Variants in UNC5C observed in about 807,000 individuals in gnomAD.
UNC5C encodes netrin receptor UNC5C.
A neutral mutation model predicts 99.8 loss-of-function variants in UNC5C; 47 were observed. That is an observed-to-expected ratio of 0.47 (90% CI 0.37 to 0.60). UNC5C has a LOEUF of 0.60. Among genes scored for constraint, UNC5C ranks in the 20% least tolerant of loss-of-function variants. UNC5C has a pLI of 0.00. For synonymous variants in UNC5C, 487 were observed against 452.2 expected (o/e 1.08, Z -0.98); for missense variants, 1,062 against 1,165.9 (o/e 0.91, Z 1.30).
intron 4 of UNC5C, among the ~76,000 whole-genome samples, chr4:95,267,796 C>CA (rs79973212): frequency 0.083 from 12,217 of 147,858 alleles, 750 homozygotes; most frequent in East Asian, 0.23. Flanking sequence ...AATAACAATA[C>CA]AAAAAAAAAA....
At chr4:95,443,241 C>A (rs955721188) in intron 1 of UNC5C, among the ~76,000 whole-genome samples, 2 of 152,130 alleles carry the variant, frequency 1.3e-5, no homozygotes, top group Non-Finnish European at 2.9e-5. Flanking sequence ...AAGAATACTA[C>A]GTGATCAGAT....
intron 1 of UNC5C, among the ~76,000 whole-genome samples, chr4:95,522,852 T>C (rs1423237720): frequency 6.6e-6 from 1 of 152,188 alleles, no homozygotes; most frequent in Non-Finnish European, 1.5e-5. Flanking sequence ...GTAATTGTTC[T>C]ATTCAAACAC....
intron 4 of UNC5C, among the ~76,000 whole-genome samples, chr4:95,277,092 G>A (rs774984815): frequency 1.3e-5 from 2 of 152,000 alleles, no homozygotes; most frequent in African/African-American, 2.4e-5. Flanking sequence ...ACTATGAGAA[G>A]TAAAATAGTA....
intron 4 of UNC5C, among the ~76,000 whole-genome samples, chr4:95,260,743 C>A (rs562098919): frequency 5.3e-5 from 8 of 152,186 alleles, no homozygotes; most frequent in African/African-American, 1.9e-4. Context: ...CTTTAGGGAG[C>A]AGAGAGAGTT....
At position 95,548,718 on chromosome 4, in the gene UNC5C, T is replaced by C. The variant is rs1161386491; in HGVS notation, c.124+16A>G. ...AGCTAAGGGAGGTGGCCGCGGAGCT[T>C]GGCGGACCCCCTTACCTTGGGCGGC... On this transcript the variant is annotated intron_variant, in intron 1 of 15. Transcript: ENST00000453304. The C allele has an allele frequency of 1.9e-6, 3 of 1,610,826 alleles. No individual in the cohort carries two copies. The highest frequency in any genetic ancestry group is 1.1e-5 in the South Asian group (1 of 90,872).
intron 1 of UNC5C, among the ~76,000 whole-genome samples, chr4:95,341,620 C>A (rs934654978): frequency 1.3e-5 from 2 of 151,918 alleles, no homozygotes; most frequent in African/African-American, 4.8e-5. Context: ...CAAATGGAAG[C>A]CTTCACTGAT....
At chr4:95,208,374 A>G (rs968334717) in intron 10 of UNC5C, among the ~76,000 whole-genome samples, 7 of 152,220 alleles carry the variant, frequency 4.6e-5, no homozygotes, top group Non-Finnish European at 1.5e-5. Context: ...TATTCCCAAC[A>G]TGAAAGGCTC....
intron 1 of UNC5C, among the ~76,000 whole-genome samples, chr4:95,356,214 A>AAAAAAAAAAAAC (rs1744191187): frequency 3.7e-5 from 2 of 54,280 alleles, no homozygotes; most frequent in Non-Finnish European, 7.6e-5. Flanking sequence ...AAAAAAAAAC[A>AAAAAAAAAAAAC]AAACAAAAAA....
chr4:95,217,932 GA>G (rs1424871904), intron 9 of UNC5C, among the ~76,000 whole-genome samples: 1 of 152,006 alleles, frequency 6.6e-6, no homozygotes, highest in East Asian at 1.9e-4. Context: ...AAACTGTGAA[GA>G]AAAAAATATT....
At chr4:95,385,433 T>G (rs1745186849) in intron 1 of UNC5C, among the ~76,000 whole-genome samples, 1 of 152,224 alleles carries the variant, frequency 6.6e-6, no homozygotes, top group South Asian at 2.1e-4. Flanking sequence ...CAAATGATTT[T>G]CCATTTCATA....
chr4:95,185,595 AT>A (rs1736798442), intron 12 of UNC5C, among the ~76,000 whole-genome samples: 1 of 152,250 alleles, frequency 6.6e-6, no homozygotes, highest in Non-Finnish European at 1.5e-5. Context: ...TAGATTTTCA[AT>A]TAACTTTTAC....
intron 1 of UNC5C, among the ~76,000 whole-genome samples, chr4:95,448,660 C>T (rs988969514): frequency 9.9e-5 from 15 of 152,120 alleles, no homozygotes; most frequent in African/African-American, 2.4e-4. Context: ...ACATTTTCCA[C>T]GTATGTTCCT....
chr4:95,351,832 A>C (rs1055578849), intron 1 of UNC5C, among the ~76,000 whole-genome samples: 1 of 152,170 alleles, frequency 6.6e-6, no homozygotes, highest in Non-Finnish European at 1.5e-5. Context: ...ATGAGAAATA[A>C]GATGACACCT....
chr4:95,182,118 G>A lies in UNC5C; in HGVS notation c.2451+779C>T, dbSNP rs529175116. Reference sequence around the variant, plus strand: ...CAATTTTCAAGGCTTTGGATCCAAGGTAACAGATAAGGAAGGTCATGGGCA... The same window carrying A: ...CAATTTTCAAGGCTTTGGATCCAAGATAACAGATAAGGAAGGTCATGGGCA... On this transcript the variant is annotated intron_variant, in intron 14 of 15. Transcript: ENST00000453304. 5.1e-4 allele frequency among the ~76,000 whole-genome samples: 77 copies of A among 152,256 alleles called. 1 individual carries two copies. Among genetic ancestry groups the A allele is most frequent in the African/African-American group, 1.8e-3 (75 of 41,560 alleles).
At chr4:95,516,769 AT>A (rs1213624342) in intron 1 of UNC5C, among the ~76,000 whole-genome samples, 1 of 152,140 alleles carries the variant, frequency 6.6e-6, no homozygotes, top group African/African-American at 2.4e-5. Context: ...TCTGGTGTTT[AT>A]CATCTTGGAG....
At chr4:95,419,410 T>G (rs1318679506) in intron 1 of UNC5C, among the ~76,000 whole-genome samples, 1 of 152,184 alleles carries the variant, frequency 6.6e-6, no homozygotes, top group African/African-American at 2.4e-5. Context: ...AATATGAAAT[T>G]TACTTTCTGT....
At chr4:95,383,538 C>T (rs1027058180) in intron 1 of UNC5C, among the ~76,000 whole-genome samples, 22 of 152,150 alleles carry the variant, frequency 1.4e-4, no homozygotes, top group Admixed American at 8.5e-4. Context: ...TATCACCTTA[C>T]TGATTCAATA....
intron 1 of UNC5C, among the ~76,000 whole-genome samples, chr4:95,507,764 C>A (rs1721963095): frequency 6.6e-6 from 1 of 152,012 alleles, no homozygotes; most frequent in South Asian, 2.1e-4. Flanking sequence ...CTTCAAAACT[C>A]AGACTCATCG....
At chr4:95,224,537 C>G (rs568008969) in intron 7 of UNC5C, among the ~76,000 whole-genome samples, 1 of 152,248 alleles carries the variant, frequency 6.6e-6, no homozygotes, top group East Asian at 1.9e-4. Context: ...TTAAACTACT[C>G]AATAAATGTT....
Sources: allele counts gnomAD v4.1 joint callset (sites outside exome capture counted in the v4.1 genomes callset), GRCh38; gene constraint gnomAD v4.1.1; transcripts MANE v1.5; gene names NCBI Gene and HGNC (gene_info 2026-07-23, HGNC 2026-07-21).